The following PDE10A variants were observed in gnomAD, a reference collection of about 807,000 sequenced individuals.
PDE10A encodes the protein cAMP and cAMP-inhibited cGMP 3',5'-cyclic phosphodiesterase 10A.
In PDE10A, 39 loss-of-function variants were observed where a neutral mutation model predicts 97.7. The ratio of observed to expected loss-of-function variants is 0.40; its 90% CI spans 0.31 to 0.52. The LOEUF (loss-of-function observed/expected upper bound fraction) is 0.52, where lower values mean the gene tolerates loss of function less well. Among genes scored for constraint, PDE10A ranks in the 20% least tolerant of loss-of-function variants. The pLI is 0.56. For synonymous variants in PDE10A, 371 were observed against 376.8 expected, an observed-to-expected ratio of 0.98 and a Z score of 0.18; for missense variants, 731 against 1,047.8, an observed-to-expected ratio of 0.70 and a Z score of 4.17.
intron 1 of PDE10A, among the ~76,000 whole-genome samples, chr6:165,743,606 T>C (rs1348514188): frequency 6.6e-6 from 1 of 152,184 alleles, no homozygotes; most frequent in African/African-American, 2.4e-5. Context: ...CATAGTTATA[T>C]ATGTAGCACA....
chr6:165,767,809 C>T (rs1040548471), intron 1 of PDE10A, among the ~76,000 whole-genome samples: 3 of 152,164 alleles, frequency 2.0e-5, no homozygotes, highest in Admixed American at 6.5e-5. Flanking sequence ...ATTGCTGGGT[C>T]ATTCACTCTC....
At chr6:165,552,210 C>T (rs1237049281) in intron 1 of PDE10A, among the ~76,000 whole-genome samples, 2 of 152,224 alleles carry the variant, frequency 1.3e-5, no homozygotes, top group Non-Finnish European at 2.9e-5. Context: ...AGACTTCAGC[C>T]TCTTCAGCTA....
chr6:165,701,686 TGTAA>T (rs778033875), intron 1 of PDE10A, among the ~76,000 whole-genome samples: 84 of 146,742 alleles, frequency 5.7e-4, no homozygotes, highest in South Asian at 1.3e-3. Context: ...TGTGTGTGCA[TGTAA>T]GTGTGTTTGC....
In PDE10A at chr6:165,329,243, C is replaced by CT. The variant is rs1446786146; in HGVS notation, c.*3781dup. On this transcript the variant is annotated 3_prime_UTR_variant, in exon 22 of 22. Coordinates refer to ENST00000539869, the MANE Select transcript of PDE10A (RefSeq NM_001385079.1). ...TTCTCTGAAGTTCTTGCCGAAAAGACTGACTCTGAACAGTTCACTGGTTAT... is the reference window on the plus strand; with the variant it reads ...TTCTCTGAAGTTCTTGCCGAAAAGACTTGACTCTGAACAGTTCACTGGTTAT... 1 of 152,172 alleles carries CT rather than the reference C, an allele frequency of 6.6e-6. No individual in the cohort carries two copies. Among genetic ancestry groups the CT allele is most frequent in the African/African-American group, 2.4e-5 (1 of 41,446 alleles). The allele number at this position is 152,172 out of a possible 1,614,324, so 9.4% of individuals were successfully genotyped here.
chr6:165,677,989 AC>A (rs1224497819), intron 1 of PDE10A, among the ~76,000 whole-genome samples: 2 of 149,292 alleles, frequency 1.3e-5, no homozygotes, highest in African/African-American at 4.9e-5. Flanking sequence ...GTGTTTGTAT[AC>A]CCATGTGTGT....
At chr6:165,703,126 C>G (rs1367515921) in intron 1 of PDE10A, among the ~76,000 whole-genome samples, 1 of 152,218 alleles carries the variant, frequency 6.6e-6, no homozygotes, top group African/African-American at 2.4e-5. Flanking sequence ...AGGCCAGGTT[C>G]TCAGGTTTGT....
At chr6:165,554,405 T>G (rs6916529) in intron 1 of PDE10A, among the ~76,000 whole-genome samples, 25,216 of 151,986 alleles carry the variant, frequency 0.17, 2,729 homozygotes, top group African/African-American at 0.3. Context: ...AACAGGAATA[T>G]GAAAAGATGC....
At chr6:165,730,168 A>G (rs1328280658) in intron 1 of PDE10A, among the ~76,000 whole-genome samples, 1 of 152,116 alleles carries the variant, frequency 6.6e-6, no homozygotes, top group Non-Finnish European at 1.5e-5. Flanking sequence ...CCTTCAAAAA[A>G]AAAAAGCCAC....
At chr6:165,692,067 T>A (rs1277419224) in intron 1 of PDE10A, among the ~76,000 whole-genome samples, 3 of 152,214 alleles carry the variant, frequency 2.0e-5, no homozygotes, top group Non-Finnish European at 4.4e-5. Flanking sequence ...AACATTTGAT[T>A]TTTAAAAGTA....
chr6:165,910,655 AC>A (rs1412742146), intron 1 of PDE10A, among the ~76,000 whole-genome samples: 2 of 152,070 alleles, frequency 1.3e-5, no homozygotes, highest in Admixed American at 6.6e-5. Flanking sequence ...CTCCATTTCC[AC>A]CCCACCCTCA....
intron 1 of PDE10A, among the ~76,000 whole-genome samples, chr6:165,771,377 G>C (rs1057463554): frequency 2.0e-5 from 3 of 151,832 alleles, no homozygotes; most frequent in African/African-American, 7.3e-5. Context: ...CTTCCAGCTC[G>C]GGGCTCCTGC....
chr6:165,390,660 GAAGGTTT>G (rs1241918937), intron 16 of PDE10A, among the ~76,000 whole-genome samples: 3 of 152,186 alleles, frequency 2.0e-5, no homozygotes, highest in Non-Finnish European at 4.4e-5. Context: ...AGAGGAGTGT[GAAGGTTT>G]AAGGAAGTGT....
chr6:165,471,300 G>A (rs1032724133), intron 3 of PDE10A, among the ~76,000 whole-genome samples: 3 of 151,992 alleles, frequency 2.0e-5, no homozygotes, highest in African/African-American at 7.2e-5. Context: ...GCTTCTAAAT[G>A]TTATGTTCCA....
intron 1 of PDE10A, among the ~76,000 whole-genome samples, chr6:165,739,956 T>C (rs1472790038): frequency 6.6e-6 from 1 of 152,092 alleles, no homozygotes; most frequent in African/African-American, 2.4e-5. Context: ...AGACAAAAAT[T>C]AGCAAGTATT....
intron 1 of PDE10A, among the ~76,000 whole-genome samples, chr6:165,580,153 C>G (rs6903620): frequency 0.87 from 133,002 of 152,046 alleles, 59,176 homozygotes; most frequent in East Asian, 0.98. Context: ...ACAGTGCCTG[C>G]TCAATAGCAG....
intron 1 of PDE10A, among the ~76,000 whole-genome samples, chr6:165,801,620 T>C (rs1174779599): frequency 6.6e-6 from 1 of 152,220 alleles, no homozygotes; most frequent in Admixed American, 6.5e-5. Context: ...GACATGTTAA[T>C]TGTCTCAAGT....
In PDE10A at chr6:165,580,862, G is replaced by A. The variant is rs114239729; in HGVS notation, c.866-37294C>T. ...AAAGAAGATGGTAAGTCTCCTACCC[G>A]ATGAGAAGAGAAAGAAGATGGTAAG... On this transcript the variant is annotated intron_variant, in intron 1 of 21. Coordinates refer to ENST00000539869, the MANE Select transcript of PDE10A (RefSeq NM_001385079.1). 9.0e-3 allele frequency among the ~76,000 whole-genome samples: 1,338 copies of A among 149,332 alleles called. 18 individuals are homozygous for A. The highest frequency in any genetic ancestry group is 0.031 in the African/African-American group (1,268 of 40,554).
intron 11 of PDE10A, among the ~76,000 whole-genome samples, chr6:165,417,565 T>C (rs1444037374): frequency 2.8e-4 from 43 of 152,152 alleles, no homozygotes; most frequent in Non-Finnish European, 2.9e-5. Flanking sequence ...AACACTCAAA[T>C]CTTCAGCAAG....
At chr6:165,482,683 C>T (rs1279944184) in intron 2 of PDE10A, among the ~76,000 whole-genome samples, 1 of 152,152 alleles carries the variant, frequency 6.6e-6, no homozygotes, top group Non-Finnish European at 1.5e-5. Flanking sequence ...ATATTCTACA[C>T]AATACAACCC....
Sources: allele counts gnomAD v4.1 joint callset (sites outside exome capture counted in the v4.1 genomes callset), GRCh38; gene constraint gnomAD v4.1.1; transcripts MANE v1.5; gene names NCBI Gene and HGNC (gene_info 2026-07-23, HGNC 2026-07-21).